The following STK39 variants were observed in gnomAD, a reference collection of about 807,000 sequenced individuals.
STK39 encodes STE20/SPS1-related proline-alanine-rich protein kinase.
STK39 carries 20 observed loss-of-function variants against 77.8 expected under a neutral mutation model. That is an observed-to-expected ratio of 0.26 (90% CI 0.18 to 0.37). The LOEUF (loss-of-function observed/expected upper bound fraction) is 0.37. STK39 is among the 10% of genes least tolerant of loss of function. The pLI is 1.00. For synonymous variants in STK39, 246 were observed against 234.1 expected (o/e 1.05, Z -0.47); for missense variants, 479 against 656.5 (o/e 0.73, Z 2.95).
intron 10 of STK39, among the ~76,000 whole-genome samples, chr2:168,115,555 G>C (rs1687236483): frequency 6.6e-6 from 1 of 152,152 alleles, no homozygotes; most frequent in South Asian, 2.1e-4. Flanking sequence ...CAACAATCTA[G>C]TATTTATCAA....
intron 14 of STK39, among the ~76,000 whole-genome samples, chr2:168,020,359 C>G (rs139103924): frequency 2.0e-5 from 3 of 151,974 alleles, no homozygotes; most frequent in African/African-American, 7.2e-5. Context: ...TAGGACAGCT[C>G]GAATCTTACA....
At chr2:168,004,842 T>C (rs1684086397) in intron 16 of STK39, among the ~76,000 whole-genome samples, 1 of 151,998 alleles carries the variant, frequency 6.6e-6, no homozygotes, top group East Asian at 1.9e-4. Flanking sequence ...CCACACTCTA[T>C]GCCCAAAAGA....
At chr2:168,061,713 A>C (rs928691794) in intron 14 of STK39, among the ~76,000 whole-genome samples, 5 of 152,230 alleles carry the variant, frequency 3.3e-5, no homozygotes, top group Admixed American at 3.3e-4. Flanking sequence ...GTATCATGAG[A>C]AAAAGGCTAA....
At chr2:167,991,536 C>T (rs1056305051) in intron 16 of STK39, among the ~76,000 whole-genome samples, 2 of 152,120 alleles carry the variant, frequency 1.3e-5, no homozygotes, top group Non-Finnish European at 2.9e-5. Context: ...AGCAAGAACA[C>T]CCTGTGATGT....
chr2:168,032,978 G>A (rs1035899065), intron 14 of STK39, among the ~76,000 whole-genome samples: 1 of 152,214 alleles, frequency 6.6e-6, no homozygotes, highest in Non-Finnish European at 1.5e-5. Flanking sequence ...ACAGTTATAA[G>A]CCTTTTTGGC....
At position 168,161,815 on chromosome 2, in the gene STK39, CAGA is replaced by C; in HGVS notation, c.597_599del (p.Leu200del). The C allele has an allele frequency of 6.2e-7, 1 of 1,610,108 alleles. No individual in the cohort carries two copies. The highest frequency in any genetic ancestry group is 8.5e-7 in the Non-Finnish European group (1 of 1,178,288). On this transcript the variant is annotated inframe_deletion, in exon 5 of 18. Transcript: ENST00000355999. The stretch of plus-strand genomic sequence containing the variant: ...CTATTTGTACTGAACCATCCTCACC[CAGA>C]AGAATATTACCAGCTTTCAAATCCC...
intron 14 of STK39, among the ~76,000 whole-genome samples, chr2:168,043,994 C>A (rs1191328414): frequency 2.6e-5 from 4 of 152,190 alleles, no homozygotes; most frequent in South Asian, 4.1e-4. Flanking sequence ...AGGAAAGCAA[C>A]CTCTCAAATA....
intron 14 of STK39, among the ~76,000 whole-genome samples, chr2:168,046,494 T>C (rs1685245775): frequency 6.6e-6 from 1 of 152,062 alleles, no homozygotes; most frequent in South Asian, 2.1e-4. Context: ...GGTGAAGGGG[T>C]CACCTGGAAG....
At chr2:168,172,438 C>CATACTTCA (rs1239310836) in intron 2 of STK39, among the ~76,000 whole-genome samples, 1 of 152,180 alleles carries the variant, frequency 6.6e-6, no homozygotes, top group East Asian at 1.9e-4. Flanking sequence ...TAATTTCACC[C>CATACTTCA]TGTATTTAAT....
intron 1 of STK39, among the ~76,000 whole-genome samples, chr2:168,229,010 C>CGGA (rs1690377717): frequency 6.6e-6 from 1 of 152,124 alleles, no homozygotes; most frequent in African/African-American, 2.4e-5. Flanking sequence ...ATTTAGCCCT[C>CGGA]TTCCCACATC....
At chr2:168,004,282 T>G (rs1684068207) in intron 16 of STK39, among the ~76,000 whole-genome samples, 1 of 152,162 alleles carries the variant, frequency 6.6e-6, no homozygotes, top group Admixed American at 6.5e-5. Context: ...TAAACACAAT[T>G]TTTAAAAGTT....
At position 168,094,730 on chromosome 2, in the gene STK39, G is replaced by T. The variant is rs141103946; in HGVS notation, c.1090-19499C>A. Among the ~76,000 whole-genome samples the T allele has an allele frequency of 4.0e-3, 611 of 152,118 alleles. 4 individuals carry two copies. The highest frequency in any genetic ancestry group is 0.014 in the African/African-American group (594 of 41,474). On this transcript the variant is annotated intron_variant, in intron 10 of 17. Transcript: ENST00000355999. Reference sequence around the variant, plus strand: ...CCCCAGGACTCCCCAGGGCTCCTTTGTTCTCTCTGTCATGTCCTCTGTGGC... The same window carrying T: ...CCCCAGGACTCCCCAGGGCTCCTTTTTTCTCTCTGTCATGTCCTCTGTGGC...
At chr2:168,160,561 T>C (rs551964795) in intron 5 of STK39, among the ~76,000 whole-genome samples, 60 of 152,168 alleles carry the variant, frequency 3.9e-4, no homozygotes, top group African/African-American at 1.3e-3. Context: ...TTAAGATCAC[T>C]GGACCTTGAT....
intron 16 of STK39, among the ~76,000 whole-genome samples, chr2:167,965,465 TATCTGATAC>T (rs920462991): frequency 6.6e-6 from 1 of 152,228 alleles, no homozygotes; most frequent in Admixed American, 6.5e-5. Flanking sequence ...TGTAATGATC[TATCTGATAC>T]TCCAGTAGAG....
intron 7 of STK39, among the ~76,000 whole-genome samples, chr2:168,139,206 A>T (rs1003276517): frequency 6.6e-6 from 1 of 152,166 alleles, no homozygotes; most frequent in Non-Finnish European, 1.5e-5. Flanking sequence ...GGTGGGAAAC[A>T]CTGAGAAGAG....
intron 2 of STK39, among the ~76,000 whole-genome samples, chr2:168,170,029 T>C (rs1688784967): frequency 6.6e-6 from 1 of 152,190 alleles, no homozygotes; most frequent in Non-Finnish European, 1.5e-5. Flanking sequence ...CTTAAGGACA[T>C]GATGAAACTC....
intron 10 of STK39, among the ~76,000 whole-genome samples, chr2:168,125,125 TAAAAC>T (rs984336686): frequency 6.6e-6 from 1 of 151,224 alleles, no homozygotes; most frequent in Non-Finnish European, 1.5e-5. Context: ...AGTATAATAA[TAAAAC>T]AAAAGAGTTG....
At chr2:168,106,892 A>T (rs996473771) in intron 10 of STK39, among the ~76,000 whole-genome samples, 1 of 152,196 alleles carries the variant, frequency 6.6e-6, no homozygotes, top group African/African-American at 2.4e-5. Flanking sequence ...ATGTGTATAT[A>T]TAGTATGTGG....
chr2:168,238,296 T>C (rs968909266), intron 1 of STK39, among the ~76,000 whole-genome samples: 1 of 152,198 alleles, frequency 6.6e-6, no homozygotes, highest in African/African-American at 2.4e-5. Context: ...CCATCTAGTT[T>C]TTTCTGACAA....
Sources: gnomAD v4.1 joint callset for allele counts (sites outside exome capture counted in the v4.1 genomes callset) on GRCh38, gnomAD v4.1.1 for gene constraint, MANE v1.5 for transcripts, NCBI Gene and HGNC (gene_info 2026-07-23, HGNC 2026-07-21) for gene names.